Variants in WDR70 observed in about 807,000 individuals in gnomAD.
WDR70 encodes WD repeat-containing protein 70.
Under a neutral mutation model 88.6 loss-of-function variants are expected in WDR70, and 53 were observed. That is an observed-to-expected ratio of 0.60 (90% CI 0.48 to 0.75). The LOEUF is 0.75. WDR70 is among the 30% of genes least tolerant of loss of function. The pLI, the probability that WDR70 is intolerant of heterozygous loss-of-function variation, is 0.00. For synonymous variants in WDR70, 280 were observed against 270.0 expected (o/e 1.04, Z -0.36); for missense variants, 610 against 823.2 (o/e 0.74, Z 3.17).
chr5:37,669,201 ATGT>A (rs909188735), intron 10 of WDR70, among the ~76,000 whole-genome samples: 8 of 152,088 alleles, frequency 5.3e-5, no homozygotes, highest in African/African-American at 1.9e-4. Flanking sequence ...TTCTCAGTAA[ATGT>A]TGTTGACATT....
intron 9 of WDR70, among the ~76,000 whole-genome samples, chr5:37,603,446 A>G (rs1157949321): frequency 2.6e-5 from 4 of 152,242 alleles, no homozygotes; most frequent in Non-Finnish European, 5.9e-5. Flanking sequence ...CATACCATAT[A>G]CAAAAATCAA....
At chr5:37,589,249 TACACACACACACACACACACAC>T (rs57446016) in intron 9 of WDR70, among the ~76,000 whole-genome samples, 1 of 140,166 alleles carries the variant, frequency 7.1e-6, no homozygotes, top group African/African-American at 2.6e-5. Flanking sequence ...CCTACACACA[TACACACACACACACACACACAC>T]ACACACACAC....
chr5:37,577,396 T>C (rs1266476462), intron 9 of WDR70, among the ~76,000 whole-genome samples: 2 of 152,110 alleles, frequency 1.3e-5, no homozygotes, highest in Non-Finnish European at 2.9e-5. Flanking sequence ...GTGGGAGGAT[T>C]GCTTGAGCCT....
chr5:37,701,216 T>G, intron 12 of WDR70, 74 bp downstream of exon 12: 1 of 935,558 alleles, frequency 1.1e-6, no homozygotes, highest in Non-Finnish European at 1.7e-6. Flanking sequence ...AATGTTAATT[T>G]ATATCATACG....
intron 10 of WDR70, among the ~76,000 whole-genome samples, chr5:37,621,198 A>G (rs1199944420): frequency 1.3e-5 from 2 of 152,112 alleles, no homozygotes; most frequent in African/African-American, 4.8e-5. Context: ...CTGTTTCCCA[A>G]AATTCACTTA....
chr5:37,654,749 A>T (rs1044412070), intron 10 of WDR70, among the ~76,000 whole-genome samples: 5 of 151,138 alleles, frequency 3.3e-5, no homozygotes, highest in Admixed American at 6.5e-5. Context: ...AGTCTGTTTT[A>T]TCAGAGACTA....
intron 16 of WDR70, 124 bp from the exon 17 acceptor site, chr5:37,726,759 G>T: frequency 2.0e-6 from 2 of 994,074 alleles, no homozygotes; most frequent in East Asian, 3.1e-5. Context: ...ATAAATCTAA[G>T]CTGAAAGGAT....
chr5:37,725,581 C>G lies in WDR70; in HGVS notation c.1714+531C>G, dbSNP rs866729023. Reference sequence around the variant, plus strand: ...GCTAATAGTATAGCACGTACCTTGACTAGAATTTCATTTTCTGTTATCATC... The same window carrying G: ...GCTAATAGTATAGCACGTACCTTGAGTAGAATTTCATTTTCTGTTATCATC... On this transcript the variant is annotated intron_variant, in intron 16 of 17. Coordinates refer to ENST00000265107, the MANE Select transcript of WDR70 (RefSeq NM_018034.4). 7.2e-5 allele frequency among the ~76,000 whole-genome samples: 11 copies of G among 152,194 alleles called. No homozygotes were observed. The South Asian group carries it at 2.3e-3, about 32-fold the overall frequency.
At chr5:37,557,772 C>T (rs1360328305) in intron 9 of WDR70, among the ~76,000 whole-genome samples, 1 of 151,634 alleles carries the variant, frequency 6.6e-6, no homozygotes, top group Non-Finnish European at 1.5e-5. Context: ...CTTATTAAAT[C>T]AACATATATT....
At chr5:37,415,794 CG>C (rs747679839) in intron 5 of WDR70, among the ~76,000 whole-genome samples, 23,729 of 141,312 alleles carry the variant, frequency 0.17, 2,451 homozygotes, top group East Asian at 0.38. Flanking sequence ...ACTTCTCAGA[CG>C]GGGCGGCCGG....
At chr5:37,549,941 AACCTCC>A (rs1742096597) in intron 9 of WDR70, among the ~76,000 whole-genome samples, 1 of 151,752 alleles carries the variant, frequency 6.6e-6, no homozygotes, top group Non-Finnish European at 1.5e-5. Context: ...GGCTCACTGC[AACCTCC>A]ACCTCCCGGG....
intron 10 of WDR70, among the ~76,000 whole-genome samples, chr5:37,684,681 G>A (rs979471026): frequency 4.6e-5 from 7 of 152,206 alleles, no homozygotes; most frequent in Non-Finnish European, 8.8e-5. Flanking sequence ...GCTGGGGTGG[G>A]GGCTGAGATG....
intron 5 of WDR70, among the ~76,000 whole-genome samples, chr5:37,431,034 A>G: frequency 6.6e-6 from 1 of 151,834 alleles, no homozygotes; most frequent in Non-Finnish European, 1.5e-5. Flanking sequence ...TTGTATTTTT[A>G]CTAGTGATGG....
At chr5:37,545,535 G>T (rs1741960504) in intron 9 of WDR70, among the ~76,000 whole-genome samples, 2 of 148,410 alleles carry the variant, frequency 1.3e-5, no homozygotes, top group Non-Finnish European at 1.5e-5. Flanking sequence ...TTTTGTTTTT[G>T]TTTTTGTTTT....
rs780037250 is a variant in WDR70 at position 37,381,674 on chromosome 5, G to A, written c.164G>A (p.Arg55His). 14 of 1,610,098 alleles carry A rather than the reference G, an allele frequency of 8.7e-6. No homozygotes were observed. Among genetic ancestry groups the A allele is most frequent in the Middle Eastern group, 1.7e-4 (1 of 6,044 alleles). Residue 55 changes from arginine to histidine, a missense_variant, in exon 3 of 18, where the codon CGC becomes CAC. Around this residue, in one of 4 missense-constraint regions of WDR70, gnomAD observed 203 missense variants for 228.1 expected, o/e 0.89. Coordinates refer to ENST00000265107, the MANE Select transcript of WDR70 (RefSeq NM_018034.4). Reference sequence around the variant, plus strand: ...CGAAGGACAGCTGTGGAAAGAAGTCGCAAAACACTGGGTAAGAAGCTCAGA... The same window carrying A: ...CGAAGGACAGCTGTGGAAAGAAGTCACAAAACACTGGGTAAGAAGCTCAGA... ...QTRRTAVERS[R>H]KTLEAREKEE...
intron 3 of WDR70, among the ~76,000 whole-genome samples, chr5:37,391,169 C>T (rs778425438): frequency 1.3e-5 from 2 of 152,130 alleles, no homozygotes; most frequent in Non-Finnish European, 2.9e-5. Flanking sequence ...TTTTCTATCA[C>T]TATTTTTATT....
chr5:37,403,636 A>C (rs1281065695), intron 5 of WDR70, among the ~76,000 whole-genome samples: 1 of 152,202 alleles, frequency 6.6e-6, no homozygotes, highest in Non-Finnish European at 1.5e-5. Context: ...GAGTGGCTAG[A>C]TATTTTAGCA....
chr5:37,605,309 C>T (rs1744006017), intron 10 of WDR70, 71 bp downstream of exon 10: 3 of 1,470,264 alleles, frequency 2.0e-6, no homozygotes, highest in African/African-American at 2.8e-5. Context: ...CTTACAAAGA[C>T]AAACGTGTTA....
chr5:37,702,641 T>C (rs1747198235), intron 12 of WDR70, among the ~76,000 whole-genome samples: 1 of 152,316 alleles, frequency 6.6e-6, no homozygotes, highest in African/African-American at 2.4e-5. Context: ...AAAATTACAA[T>C]GTAGAAGTTA....
Sources: gnomAD v4.1 joint callset for allele counts (sites outside exome capture counted in the v4.1 genomes callset) on GRCh38, gnomAD v4.1.1 for gene constraint, gnomAD v4.1.1 regional missense constraint, MANE v1.5 for transcripts, NCBI Gene and HGNC (gene_info 2026-07-23, HGNC 2026-07-21) for gene names.